The following PARD3B variants were observed in gnomAD, a reference collection of about 807,000 sequenced individuals.
PARD3B encodes the protein partitioning defective 3 homolog B.
Under a neutral mutation model 130.2 loss-of-function variants are expected in PARD3B, and 103 were observed. The ratio of observed to expected loss-of-function variants is 0.79; its 90% CI spans 0.67 to 0.93. The LOEUF (loss-of-function observed/expected upper bound fraction) is 0.93, where lower values mean the gene tolerates loss of function less well. Among genes scored for constraint, PARD3B ranks in the 40% least tolerant of loss-of-function variants. The probability of loss-of-function intolerance (pLI) is 0.00; values close to 1 mark genes in which losing one functional copy is unlikely to be tolerated. For synonymous variants in PARD3B, 583 were observed against 553.2 expected (o/e 1.05, Z -0.76); for missense variants, 1,609 against 1,499.2 (o/e 1.07, Z -1.21).
intron 2 of PARD3B, among the ~76,000 whole-genome samples, chr2:204,939,956 A>T (rs2125798862): frequency 6.6e-6 from 1 of 152,336 alleles, no homozygotes; most frequent in East Asian, 1.9e-4. Flanking sequence ...ATAAGAGCAT[A>T]CCTGCTATTT....
intron 2 of PARD3B, among the ~76,000 whole-genome samples, chr2:204,926,373 C>T (rs1687619240): frequency 6.6e-6 from 1 of 152,078 alleles, no homozygotes; most frequent in African/African-American, 2.4e-5. Flanking sequence ...TTCAAATTCT[C>T]ATTATATTTT....
chr2:205,132,918 T>C (rs2032141449), intron 10 of PARD3B, among the ~76,000 whole-genome samples: 1 of 152,146 alleles, frequency 6.6e-6, no homozygotes, highest in African/African-American at 2.4e-5. Flanking sequence ...AGTGGATATT[T>C]GTTGACTGAA....
rs570075342 is a variant in PARD3B, at chr2:204,954,788, C to T, written c.223-10364C>T. 1.3e-3 allele frequency among the ~76,000 whole-genome samples: 195 copies of T among 152,302 alleles called. 2 individuals carry two copies. The highest frequency in any genetic ancestry group is 4.2e-3 in the African/African-American group (176 of 41,578). On this transcript the variant is annotated intron_variant, in intron 2 of 22. Coordinates refer to ENST00000406610, the MANE Select transcript of PARD3B (RefSeq NM_001302769.2). ...GTGGTTTGCAAACCCTAAAGATATT[C>T]ATACAGCTCAAGTATATGCAAAATC...
At chr2:204,735,859 A>G (rs188253677) in intron 2 of PARD3B, among the ~76,000 whole-genome samples, 3 of 152,226 alleles carry the variant, frequency 2.0e-5, no homozygotes, top group African/African-American at 7.2e-5. Context: ...TCACATCCGC[A>G]TAAGGCAACA....
chr2:204,830,542 A>G (rs926992983), intron 2 of PARD3B, among the ~76,000 whole-genome samples: 2 of 152,114 alleles, frequency 1.3e-5, no homozygotes, highest in Non-Finnish European at 2.9e-5. Context: ...GACACCTGGC[A>G]TGTATATTTT....
chr2:205,444,175 G>A (rs921525497), intron 20 of PARD3B, among the ~76,000 whole-genome samples: 1 of 152,182 alleles, frequency 6.6e-6, no homozygotes, highest in Non-Finnish European at 1.5e-5. Context: ...TAGAGACGGG[G>A]TTTTGCCACG....
intron 3 of PARD3B, among the ~76,000 whole-genome samples, chr2:204,990,639 A>ATG (rs1186172584): frequency 4.0e-5 from 6 of 151,540 alleles, no homozygotes; most frequent in Admixed American, 1.3e-4. Context: ...CTGTGTGTGT[A>ATG]TGTGTGTGTG....
In PARD3B at chr2:205,579,026, G is replaced by A. The variant is rs186664986; in HGVS notation, c.3260+25623G>A. ...AAGTGTATCCATTGTAAGAACACAC[G>A]TAACATAATGAACAAATAATTAGCA... On this transcript the variant is annotated intron_variant, in intron 22 of 22. Coordinates refer to ENST00000406610, the MANE Select transcript of PARD3B (RefSeq NM_001302769.2). 3.3e-5 allele frequency among the ~76,000 whole-genome samples: 5 copies of A among 152,258 alleles called. No homozygotes were observed. In the East Asian group the frequency reaches 7.7e-4, roughly 23 times the overall value.
At chr2:205,075,128 A>C (rs917489163) in intron 4 of PARD3B, among the ~76,000 whole-genome samples, 3 of 152,214 alleles carry the variant, frequency 2.0e-5, no homozygotes, top group African/African-American at 7.2e-5. Context: ...ATTACTACTT[A>C]CAATTTGAAA....
At chr2:204,549,205 T>C (rs1248134621) in intron 1 of PARD3B, among the ~76,000 whole-genome samples, 2 of 152,100 alleles carry the variant, frequency 1.3e-5, no homozygotes, top group Admixed American at 1.3e-4. Flanking sequence ...TCTGGGCCTT[T>C]GAGGTTCCTG....
rs973825599 is a variant in PARD3B at position 205,569,311 on chromosome 2, TTTAAC to T, written c.3260+15913_3260+15917del. 2.2e-4 allele frequency among the ~76,000 whole-genome samples: 33 copies of T among 152,300 alleles called. 1 individual carries two copies. The highest frequency in any genetic ancestry group is 7.5e-4 in the African/African-American group (31 of 41,582). ...TTTGACATATTTAAAATTATTTTAG[TTTAAC>T]TTAAGCTATCTTTATGGTAATATAA... On this transcript the variant is annotated intron_variant, in intron 22 of 22. Coordinates refer to ENST00000406610, the MANE Select transcript of PARD3B (RefSeq NM_001302769.2).
intron 7 of PARD3B, among the ~76,000 whole-genome samples, chr2:205,120,476 G>T (rs925421352): frequency 1.3e-5 from 2 of 152,200 alleles, no homozygotes; most frequent in African/African-American, 2.4e-5. Context: ...TCAGATTGCA[G>T]TTGGGATTAT....
rs999195152 is a variant in PARD3B at position 204,836,050 on chromosome 2, A to G, written c.223-129102A>G. The stretch of plus-strand genomic sequence containing the variant: ...ACTATGAACATGAAGTGAAGGATGC[A>G]TGTTTCGATGTAGTCTGAAATTAGC... On this transcript the variant is annotated intron_variant, in intron 2 of 22. Transcript: ENST00000406610. 2.6e-5 allele frequency among the ~76,000 whole-genome samples: 4 copies of G among 152,356 alleles called. No homozygotes were observed. In the East Asian group the frequency reaches 7.7e-4, roughly 29 times the overall value.
At chr2:205,538,222 C>T (rs1376330539) in intron 21 of PARD3B, among the ~76,000 whole-genome samples, 2 of 152,094 alleles carry the variant, frequency 1.3e-5, no homozygotes, top group African/African-American at 4.8e-5. Flanking sequence ...ACTGAAGGCT[C>T]TCAGAAAATA....
intron 5 of PARD3B, among the ~76,000 whole-genome samples, chr2:205,110,789 G>A (rs986304331): frequency 6.6e-6 from 1 of 151,802 alleles, no homozygotes; most frequent in Non-Finnish European, 1.5e-5. Context: ...ACATAAATGT[G>A]CACATGTCCT....
intron 15 of PARD3B, among the ~76,000 whole-genome samples, chr2:205,197,519 A>G (rs1312643282): frequency 2.0e-5 from 3 of 152,152 alleles, no homozygotes; most frequent in African/African-American, 7.2e-5. Context: ...TCCTATATAT[A>G]CATTATAAGT....
At chr2:204,588,618 A>G (rs944035383) in intron 1 of PARD3B, among the ~76,000 whole-genome samples, 4 of 152,152 alleles carry the variant, frequency 2.6e-5, no homozygotes, top group African/African-American at 9.7e-5. Flanking sequence ...TTATCCTACA[A>G]TAGTTCAATG....
chr2:204,891,412 C>G (rs893237429), intron 2 of PARD3B, among the ~76,000 whole-genome samples: 1 of 152,062 alleles, frequency 6.6e-6, no homozygotes, highest in East Asian at 1.9e-4. Flanking sequence ...ATGCTGCGTG[C>G]AAGGTCTCTG....
At chr2:205,531,712 G>A (rs982287323) in intron 21 of PARD3B, among the ~76,000 whole-genome samples, 7 of 151,978 alleles carry the variant, frequency 4.6e-5, no homozygotes, top group African/African-American at 1.7e-4. Context: ...GACCCCTGCT[G>A]CTTATATCAT....
Sources: gnomAD v4.1 joint callset for allele counts (sites outside exome capture counted in the v4.1 genomes callset) on GRCh38, gnomAD v4.1.1 for gene constraint, MANE v1.5 for transcripts, NCBI Gene and HGNC (gene_info 2026-07-23, HGNC 2026-07-21) for gene names.